Variants in GSE1 observed in about 807,000 individuals in gnomAD.
GSE1 encodes the protein Gse1 coiled-coil protein, also known as genetic suppressor element 1.
GSE1 carries 32 observed loss-of-function variants against 112.6 expected under a neutral mutation model. The ratio of observed to expected loss-of-function variants is 0.28; its 90% confidence interval spans 0.21 to 0.38. The LOEUF is 0.38. Ranked by LOEUF, GSE1 falls within the 10% of genes least tolerant of loss-of-function variation. GSE1 has a pLI of 1.00. For missense variants in GSE1, 2,348 were observed against 1,699.2 expected, an observed-to-expected ratio of 1.38 and a Z score of -6.71; for synonymous variants, 1,115 against 735.6, an observed-to-expected ratio of 1.52 and a Z score of -8.35.
chr16:85,622,854 T>G (rs1221820657), intron 1 of GSE1, among the ~76,000 whole-genome samples: 1 of 151,946 alleles, frequency 6.6e-6, no homozygotes, highest in Non-Finnish European at 1.5e-5. Flanking sequence ...CTGAGTGGAG[T>G]GTCTGTGCTG....
chr16:85,334,508 G>A (rs1381470342), intron 1 of GSE1, among the ~76,000 whole-genome samples: 1 of 152,218 alleles, frequency 6.6e-6, no homozygotes, highest in African/African-American at 2.4e-5. Context: ...TCTCCTGTCT[G>A]TCCCCAGGTT....
chr16:85,600,284 G>A (rs2047405533), intron 1 of GSE1, among the ~76,000 whole-genome samples: 1 of 152,198 alleles, frequency 6.6e-6, no homozygotes, highest in African/African-American at 2.4e-5. Context: ...TAGAACTCCT[G>A]AGCCGGGCTG....
intron 2 of GSE1, among the ~76,000 whole-genome samples, chr16:85,522,196 C>A (rs565000640): frequency 1.1e-4 from 16 of 152,314 alleles, no homozygotes; most frequent in Admixed American, 7.2e-4. Flanking sequence ...CCTCCCACAG[C>A]CCTGGATGAG....
upstream of GSE1, among the ~76,000 whole-genome samples, chr16:85,552,677 C>G (rs2044985137): frequency 6.6e-6 from 1 of 152,210 alleles, no homozygotes; most frequent in South Asian, 2.1e-4. Flanking sequence ...TGCCTGGAAG[C>G]CAGGCTGATG....
chr16:85,342,504 G>A (rs931301359), intron 1 of GSE1, among the ~76,000 whole-genome samples: 3 of 152,096 alleles, frequency 2.0e-5, no homozygotes, highest in African/African-American at 2.4e-5. Context: ...TGAGCTGAGA[G>A]CTCAGGGCGT....
chr16:85,217,541 A>G (rs949278224), intron 1 of GSE1, among the ~76,000 whole-genome samples: 5 of 152,232 alleles, frequency 3.3e-5, no homozygotes, highest in African/African-American at 7.2e-5. Context: ...TGACTTTCCC[A>G]AAGCCACATG....
intron 1 of GSE1, among the ~76,000 whole-genome samples, chr16:85,262,364 G>C (rs554403488): frequency 3.9e-5 from 6 of 152,166 alleles, no homozygotes; most frequent in Non-Finnish European, 7.3e-5. Context: ...AGAGATTGTC[G>C]GGGAGGGGGC....
intron 1 of GSE1, among the ~76,000 whole-genome samples, chr16:85,233,701 G>A (rs1284874375): frequency 6.6e-6 from 1 of 152,170 alleles, no homozygotes; most frequent in African/African-American, 2.4e-5. Context: ...CACACTGACA[G>A]GGACTTTCTT....
At chr16:85,439,823 T>G (rs1472922737) in intron 2 of GSE1, among the ~76,000 whole-genome samples, 1 of 152,012 alleles carries the variant, frequency 6.6e-6, no homozygotes, top group Non-Finnish European at 1.5e-5. Context: ...CAGGCACAGA[T>G]GCATGCATGC....
intron 1 of GSE1, among the ~76,000 whole-genome samples, chr16:85,236,103 G>C (rs1904633103): frequency 6.6e-6 from 1 of 152,142 alleles, no homozygotes; most frequent in Admixed American, 6.5e-5. Context: ...CTGCCTGTGT[G>C]GCTCCCGGGC....
At chr16:85,382,724 C>T (rs1011014185) in intron 2 of GSE1, among the ~76,000 whole-genome samples, 1 of 152,070 alleles carries the variant, frequency 6.6e-6, no homozygotes, top group African/African-American at 2.4e-5. Context: ...TGCACACACA[C>T]ACACAGCCAT....
At chr16:85,231,132 G>GGATA (rs71959925) in intron 1 of GSE1, among the ~76,000 whole-genome samples, 1 of 80,316 alleles carries the variant, frequency 1.2e-5, no homozygotes, top group Admixed American at 1.6e-4. Context: ...ATGGATGGAA[G>GGATA]GATGGATGGA....
chr16:85,458,769 C>A (rs2049900718), intron 2 of GSE1, among the ~76,000 whole-genome samples: 1 of 152,184 alleles, frequency 6.6e-6, no homozygotes, highest in Admixed American at 6.5e-5. Flanking sequence ...GCTGGGGATC[C>A]TGGTGCTTCT....
intron 2 of GSE1, among the ~76,000 whole-genome samples, 197 bp downstream of exon 2, chr16:85,634,329 G>C (rs2049807240): frequency 6.6e-6 from 1 of 152,228 alleles, no homozygotes; most frequent in Admixed American, 6.5e-5. Context: ...CTTTGCCTCT[G>C]TGCTTCTGTC....
chr16:85,560,998 G>A (rs2045492280), intron 1 of GSE1, among the ~76,000 whole-genome samples: 1 of 151,968 alleles, frequency 6.6e-6, no homozygotes, highest in South Asian at 2.1e-4. Flanking sequence ...CGATCGTGGT[G>A]GTGCCTGCCT....
intron 1 of GSE1, among the ~76,000 whole-genome samples, chr16:85,294,334 C>T (rs1021705592): frequency 1.8e-4 from 28 of 152,206 alleles, no homozygotes; most frequent in Admixed American, 1.3e-4. Context: ...AACCTGTACC[C>T]TCTGGAGTCT....
At chr16:85,645,453 C>G (rs1383868416) in intron 2 of GSE1, among the ~76,000 whole-genome samples, 1 of 152,150 alleles carries the variant, frequency 6.6e-6, no homozygotes, top group Non-Finnish European at 1.5e-5. Context: ...ATTAAAGAGG[C>G]CCAGATACCG....
chr16:85,666,502 C>A (rs2052873295), intron 13 of GSE1, 155 bp downstream of exon 13: 2 of 712,376 alleles, frequency 2.8e-6, no homozygotes, highest in Admixed American at 5.7e-5. Flanking sequence ...ATGCCAAAAC[C>A]ATGTTTGTTT....
intron 2 of GSE1, among the ~76,000 whole-genome samples, chr16:85,441,691 C>T (rs1021655432): frequency 1.3e-5 from 2 of 152,242 alleles, no homozygotes; most frequent in Admixed American, 6.5e-5. Context: ...GACATTTGAG[C>T]TGGGTCTTGA....
Sources: allele counts gnomAD v4.1 joint callset (sites outside exome capture counted in the v4.1 genomes callset), GRCh38; gene constraint gnomAD v4.1.1; transcripts MANE v1.5; gene names NCBI Gene and HGNC (gene_info 2026-07-23, HGNC 2026-07-21).